Variants in DHCR24 observed in about 807,000 individuals in gnomAD.
The protein encoded by DHCR24 is 24-dehydrocholesterol reductase.
DHCR24 carries 28 observed loss-of-function variants against 61.2 expected under a neutral mutation model. The ratio of observed to expected loss-of-function variants is 0.46; its 90% CI spans 0.34 to 0.63. DHCR24 has a LOEUF of 0.63. Ranked by LOEUF, DHCR24 falls within the 20% of genes least tolerant of loss-of-function variation. The probability of loss-of-function intolerance (pLI) is 0.01; values close to 1 mark genes in which losing one functional copy is unlikely to be tolerated. For synonymous variants in DHCR24, 261 were observed against 275.9 expected (o/e 0.95, Z 0.54); for missense variants, 538 against 679.1 (o/e 0.79, Z 2.31).
rs1646970382 is a variant in DHCR24, at chr1:54,866,750, G to T, written c.877-1304C>A. 1.4e-5 allele frequency among the ~76,000 whole-genome samples: 2 copies of T among 147,500 alleles called. 1 individual carries two copies. Among genetic ancestry groups the T allele is most frequent in the South Asian group, 4.4e-4 (2 of 4,564 alleles). On this transcript the variant is annotated intron_variant, in intron 5 of 8. Transcript: ENST00000371269. ...TATCTGTGTGCCACCCGCTTGTGCA[G>T]GCCCACCCTGCTGGTAAGGCCACCC...
In DHCR24 at chr1:54,867,841, G is replaced by A. The variant is rs147625349; in HGVS notation, c.877-2395C>T. The stretch of plus-strand genomic sequence containing the variant: ...GCCAGAGCACTTCAGCTCAATGTCC[G>A]GTATTGCCACCGCTGTTCCAGGACC... On this transcript the variant is annotated intron_variant, in intron 5 of 8. Transcript: ENST00000371269. 3.8e-3 allele frequency among the ~76,000 whole-genome samples: 578 copies of A among 152,264 alleles called. 4 individuals carry two copies. Among genetic ancestry groups the A allele is most frequent in the Non-Finnish European group, 6.2e-3 (421 of 68,036 alleles).
chr1:54,875,752 T>G (rs1356238615), intron 3 of DHCR24, among the ~76,000 whole-genome samples, 190 bp downstream of exon 3: 1 of 152,194 alleles, frequency 6.6e-6, no homozygotes, highest in East Asian at 1.9e-4. Flanking sequence ...TCTGATAACT[T>G]GAGCTGCTCA....
intron 7 of DHCR24, 145 bp from the exon 8 acceptor site, chr1:54,853,757 C>T (rs1330220156): frequency 6.0e-6 from 6 of 1,007,398 alleles, no homozygotes; most frequent in Non-Finnish European, 7.4e-6. Flanking sequence ...TGCCCCGCCC[C>T]CCAGCCCTGG....
chr1:54,884,206 G>A (rs1243474141), intron 1 of DHCR24, among the ~76,000 whole-genome samples: 1 of 152,164 alleles, frequency 6.6e-6, no homozygotes, highest in East Asian at 1.9e-4. Context: ...CGAGGATAAG[G>A]AAACTCAAAA....
In DHCR24 at chr1:54,854,160, G is replaced by A; in HGVS notation, c.1095C>T (p.Leu365=). ...FGWMVPPKIS[L]LKLTQGETLR... The stretch of plus-strand genomic sequence containing the variant: ...GGGTCTCACCCTGGGTCAGCTTCAG[G>A]AGGGAGATCTTGGGAGGCACCATCC... The change falls in exon 7 of 9, where the codon CTC becomes CTT. Residue 365 remains leucine, a synonymous_variant. Coordinates refer to ENST00000371269, the MANE Select transcript of DHCR24 (RefSeq NM_014762.4). The A allele has an allele frequency of 1.9e-6, 3 of 1,614,140 alleles. No individual in the cohort carries two copies. The highest frequency in any genetic ancestry group is 2.5e-6 in the Non-Finnish European group (3 of 1,179,986).
chr1:54,854,045 C>T lies in DHCR24; in HGVS notation c.1210G>A (p.Asp404Asn). The change falls in exon 7 of 9, where the codon GAC (aspartate) becomes AAC (asparagine). Residue 404 changes from aspartate to asparagine, a missense_variant. By Grantham distance (23) the Asp-to-Asn change is conservative. Coordinates refer to ENST00000371269, the MANE Select transcript of DHCR24 (RefSeq NM_014762.4). ...TGCCCTGCCCCACTCACGTGGATGT[C>T]GTTTTGGAAGGTGTGCAGGGCCTGC... ...LQQALHTFQN[D>N]IHVYPIWLCP... 5 of 1,612,672 alleles carry T rather than the reference C, an allele frequency of 3.1e-6. No homozygotes were observed. Among genetic ancestry groups the T allele is most frequent in the South Asian group, 1.1e-5 (1 of 90,818 alleles).
At chr1:54,858,114 T>A (rs1646917662) in intron 6 of DHCR24, among the ~76,000 whole-genome samples, 1 of 152,254 alleles carries the variant, frequency 6.6e-6, no homozygotes. Context: ...GTCTTCTGCA[T>A]TTCTACTGTA....
At chr1:54,861,563 A>T (rs1259675525) in intron 6 of DHCR24, among the ~76,000 whole-genome samples, 3 of 152,010 alleles carry the variant, frequency 2.0e-5, no homozygotes, top group African/African-American at 7.3e-5. Flanking sequence ...GGCCTCTCAC[A>T]TCCGGCCTCC....
At chr1:54,880,393 T>C (rs1471981563) in intron 2 of DHCR24, among the ~76,000 whole-genome samples, 1 of 152,240 alleles carries the variant, frequency 6.6e-6, no homozygotes, top group Non-Finnish European at 1.5e-5. Flanking sequence ...TTAAGGTTTC[T>C]ATAAAAATTC....
intron 3 of DHCR24, among the ~76,000 whole-genome samples, chr1:54,875,726 GA>G (rs1207696138): frequency 6.6e-6 from 1 of 152,208 alleles, no homozygotes; most frequent in Non-Finnish European, 1.5e-5. Flanking sequence ...ATTCAAACCA[GA>G]AATTAAAAGT....
At chr1:54,853,189 G>A (rs12409889) in intron 8 of DHCR24, among the ~76,000 whole-genome samples, 1 of 151,906 alleles carries the variant, frequency 6.6e-6, no homozygotes, top group South Asian at 2.1e-4. Context: ...CTGCTGGGGG[G>A]GTGTGACATG....
rs1283339465 is a variant in DHCR24 at position 54,886,886 on chromosome 1, C to A, written c.231+3G>T. On this transcript the variant is annotated splice_donor_region_variant and intron_variant, in intron 1 of 8. Transcript: ENST00000371269. Reference sequence around the variant, plus strand: ...AGTCCCGGCCGCACCCGGCGCCGCTCACCTGCTTCTGGATGTCCCGCACGC... The same window carrying A: ...AGTCCCGGCCGCACCCGGCGCCGCTAACCTGCTTCTGGATGTCCCGCACGC... 1 of 1,612,330 alleles carries A rather than the reference C, an allele frequency of 6.2e-7. No homozygotes were observed. The highest frequency in any genetic ancestry group is 8.5e-7 in the Non-Finnish European group (1 of 1,179,430).
At chr1:54,872,098 G>A (rs959344372) in intron 4 of DHCR24, among the ~76,000 whole-genome samples, 5 of 151,988 alleles carry the variant, frequency 3.3e-5, no homozygotes, top group African/African-American at 4.8e-5. Flanking sequence ...ATCCACCCCC[G>A]ACAGAGCCCA....
chr1:54,863,389 A>G (rs185709185), intron 6 of DHCR24, among the ~76,000 whole-genome samples: 142 of 152,348 alleles, frequency 9.3e-4, no homozygotes, highest in African/African-American at 3.2e-3. Flanking sequence ...TAAAATATAA[A>G]GTCCTTCCTA....
intron 2 of DHCR24, among the ~76,000 whole-genome samples, chr1:54,879,574 C>G (rs894767437): frequency 2.0e-5 from 3 of 151,998 alleles, no homozygotes; most frequent in African/African-American, 7.3e-5. Context: ...CTAGCTGTCT[C>G]TAAACTAGAT....
chr1:54,867,952 G>A (rs1465600048), intron 5 of DHCR24, among the ~76,000 whole-genome samples: 1 of 152,212 alleles, frequency 6.6e-6, no homozygotes, highest in East Asian at 1.9e-4. Flanking sequence ...AACCGACACT[G>A]AACCAGGAGT....
Position 54,881,403 on chromosome 1 carries a change from T to A in DHCR24, c.387+2215A>T, listed in dbSNP as rs368078677. On this transcript the variant is annotated intron_variant, in intron 2 of 8. Transcript: ENST00000371269. The stretch of plus-strand genomic sequence containing the variant: ...CATATGAAAAAAAGCTCAACATTAC[T>A]GATAATTAAAGAAATGCAAATCAAA... 2.3e-4 allele frequency among the ~76,000 whole-genome samples: 35 copies of A among 152,190 alleles called. No individual in the cohort carries two copies. In the East Asian group the frequency reaches 6.8e-3, roughly 29 times the overall value.
chr1:54,854,158 A>G lies in DHCR24; in HGVS notation c.1097T>C (p.Leu366Pro), dbSNP rs1646893965. Residue 366 changes from leucine to proline, a missense_variant, in exon 7 of 9, where the codon CTG becomes CCG. Transcript: ENST00000371269. ...CAGGGTCTCACCCTGGGTCAGCTTC[A>G]GGAGGGAGATCTTGGGAGGCACCAT... is the stretch of plus-strand genomic sequence containing the variant. ...GWMVPPKISLLKLTQGETLRK... is the reference protein window; with the variant it reads ...GWMVPPKISLPKLTQGETLRK... 1 of 1,613,984 alleles carries G rather than the reference A, an allele frequency of 6.2e-7. No individual in the cohort carries two copies. The highest frequency in any genetic ancestry group is 8.5e-7 in the Non-Finnish European group (1 of 1,179,970).
Position 54,854,200 on chromosome 1 carries a change from C to T in DHCR24, c.1055G>A (p.Arg352His), listed in dbSNP as rs557970863. The T allele has an allele frequency of 2.5e-6, 4 of 1,613,922 alleles. No homozygotes were observed. Among genetic ancestry groups the T allele is most frequent in the African/African-American group, 1.3e-5 (1 of 75,004 alleles). ...IIPFGNNPIF[R>H]YLFGWMVPPK... ...AGGCACCATCCAGCCAAAGAGGTAGCGGAAGATGGGGTTGTTGCCAAAGGG... is the reference window on the plus strand; with the variant it reads ...AGGCACCATCCAGCCAAAGAGGTAGTGGAAGATGGGGTTGTTGCCAAAGGG... The change falls in exon 7 of 9, where the codon CGC (arginine) becomes CAC (histidine). Residue 352 changes from arginine to histidine, a missense_variant. Coordinates refer to ENST00000371269, the MANE Select transcript of DHCR24 (RefSeq NM_014762.4).
Sources: gnomAD v4.1 joint callset for allele counts (sites outside exome capture counted in the v4.1 genomes callset) on GRCh38, gnomAD v4.1.1 for gene constraint, MANE v1.5 for transcripts, NCBI Gene and HGNC (gene_info 2026-07-23, HGNC 2026-07-21) for gene names.